The following UST variants were observed in gnomAD, a reference collection of about 807,000 sequenced individuals.
UST encodes the protein chondroitin sulfate 2-O-sulfotransferase.
Under a neutral mutation model 45.6 loss-of-function variants are expected in UST, and 21 were observed. That is an observed-to-expected ratio of 0.46 (90% CI 0.33 to 0.66). UST has a LOEUF of 0.66. UST is among the 30% of genes least tolerant of loss of function. The pLI is 0.02. For synonymous variants in UST, 215 were observed against 200.6 expected, an observed-to-expected ratio of 1.07 and a Z score of -0.61; for missense variants, 463 against 512.4, an observed-to-expected ratio of 0.90 and a Z score of 0.93.
intron 2 of UST, among the ~76,000 whole-genome samples, chr6:148,894,774 T>G (rs970348822): frequency 2.4e-4 from 37 of 151,486 alleles, no homozygotes; most frequent in African/African-American, 8.7e-4. Flanking sequence ...TTAAGAAACA[T>G]TGAAACCATT....
intron 2 of UST, among the ~76,000 whole-genome samples, chr6:148,915,841 G>T (rs1779578505): frequency 6.6e-6 from 1 of 152,180 alleles, no homozygotes; most frequent in Admixed American, 6.5e-5. Flanking sequence ...ACTCAGGTTT[G>T]CCCAAGAAGA....
At chr6:148,960,028 C>A (rs562019529) in intron 4 of UST, among the ~76,000 whole-genome samples, 1 of 152,170 alleles carries the variant, frequency 6.6e-6, no homozygotes. Flanking sequence ...GTGACTGACA[C>A]CTGTAATCCC....
chr6:148,795,027 A>G (rs984232074), intron 1 of UST, among the ~76,000 whole-genome samples: 1 of 152,220 alleles, frequency 6.6e-6, no homozygotes, highest in Non-Finnish European at 1.5e-5. Flanking sequence ...TAAATATTAA[A>G]GGGCTCTGTT....
At chr6:148,912,409 C>T (rs4897072) in intron 2 of UST, among the ~76,000 whole-genome samples, 122,930 of 152,210 alleles carry the variant, frequency 0.81, 49,715 homozygotes, top group Admixed American at 0.83. Context: ...CCGAGCAGGC[C>T]CATATCCCTG....
chr6:148,923,672 C>T (rs1245054612), intron 2 of UST, among the ~76,000 whole-genome samples: 1 of 152,052 alleles, frequency 6.6e-6, no homozygotes, highest in African/African-American at 2.4e-5. Context: ...TTTGGGAGGC[C>T]GAGGCGGGTG....
intron 1 of UST, among the ~76,000 whole-genome samples, chr6:148,795,954 A>G (rs1776941032): frequency 6.6e-6 from 1 of 152,224 alleles, no homozygotes; most frequent in African/African-American, 2.4e-5. Flanking sequence ...TGCTATCCTC[A>G]GGAAAATATT....
intron 1 of UST, among the ~76,000 whole-genome samples, chr6:148,874,968 G>T (rs773048986): frequency 3.3e-5 from 5 of 152,198 alleles, no homozygotes; most frequent in Non-Finnish European, 5.9e-5. Context: ...CTGGACTCCC[G>T]GGGCGACATG....
chr6:149,067,193 G>C (rs187242408), intron 7 of UST, among the ~76,000 whole-genome samples: 25 of 152,332 alleles, frequency 1.6e-4, no homozygotes, highest in African/African-American at 6.0e-4. Flanking sequence ...TCTGAGCTCT[G>C]AGTGTGGTGT....
rs746789470 is a variant in UST, at chr6:148,934,331, C to T, written c.292-6948C>T. Among the ~76,000 whole-genome samples the T allele has an allele frequency of 2.6e-5, 4 of 152,182 alleles. No individual in the cohort carries two copies. Among genetic ancestry groups the T allele is most frequent in the Non-Finnish European group, 5.9e-5 (4 of 68,042 alleles). ...TCTTTCAAGTGTTAGTTTGATTAAC[C>T]ATGAAATGGAGTTGCTGAAAAATCA... On this transcript the variant is annotated intron_variant, in intron 2 of 7. Transcript: ENST00000367463. This position sits in a 1 kb window ranked among gnomAD's most constrained non-coding sequence, Gnocchi z 4.1.
chr6:148,946,133 A>G (rs149280348), intron 3 of UST, among the ~76,000 whole-genome samples: 3 of 152,186 alleles, frequency 2.0e-5, no homozygotes, highest in East Asian at 3.9e-4. Flanking sequence ...AAAAAACCCA[A>G]CTCACCTAAA....
chr6:148,907,228 T>C (rs1389087282), intron 2 of UST, among the ~76,000 whole-genome samples: 1 of 152,136 alleles, frequency 6.6e-6, no homozygotes, highest in Non-Finnish European at 1.5e-5. Flanking sequence ...GCCATAATTA[T>C]CCAAGTAAAA....
intron 7 of UST, among the ~76,000 whole-genome samples, chr6:149,049,925 T>TCACACACA (rs1368206282): frequency 4.7e-5 from 6 of 128,808 alleles, no homozygotes; most frequent in African/African-American, 1.9e-4. Flanking sequence ...TCTCTCTCTC[T>TCACACACA]CTCTCTCACA....
chr6:148,777,705 C>T (rs568575878), intron 1 of UST, among the ~76,000 whole-genome samples: 2 of 152,260 alleles, frequency 1.3e-5, no homozygotes, highest in South Asian at 4.2e-4. Flanking sequence ...CCACCACACC[C>T]AGCTACTTTT....
chr6:148,853,033 G>A (rs1778135357), intron 1 of UST, among the ~76,000 whole-genome samples: 1 of 152,154 alleles, frequency 6.6e-6, no homozygotes, highest in African/African-American at 2.4e-5. Flanking sequence ...GTGTGCCGTG[G>A]TGGTTTGCTG....
Position 148,964,563 on chromosome 6 carries a change from G to A in UST, c.681G>A (p.Leu227=). ...TPSMRQEERY[L]DINECILENY... is the part of the protein sequence containing the mutation. The stretch of plus-strand genomic sequence containing the variant: ...GCATGAGGCAGGAGGAGCGCTACCT[G>A]GTAAGTCCTGTCGCATGCAAAAGGC... The change falls in exon 5 of 8, where the codon CTG becomes CTA. Residue 227 remains leucine, a splice_region_variant and synonymous_variant. Transcript: ENST00000367463. The A allele has an allele frequency of 6.2e-7, 1 of 1,613,312 alleles. No homozygotes were observed. Among genetic ancestry groups the A allele is most frequent in the South Asian group, 1.1e-5 (1 of 91,026 alleles).
intron 5 of UST, among the ~76,000 whole-genome samples, chr6:149,004,514 AG>A (rs1278734600): frequency 6.6e-6 from 1 of 152,198 alleles, no homozygotes; most frequent in Non-Finnish European, 1.5e-5. Flanking sequence ...TGCCCCAGGA[AG>A]GGGCCCCAAA....
At chr6:149,035,395 TTTTCAGTCTGAAGGC>T (rs1776226967) in intron 7 of UST, among the ~76,000 whole-genome samples, 1 of 152,190 alleles carries the variant, frequency 6.6e-6, no homozygotes, top group South Asian at 2.1e-4. Flanking sequence ...TGGGCTCTCT[TTTTCAGTCTGAAGGC>T]TTTCCTCTGG....
At chr6:148,862,593 C>T (rs574309843) in intron 1 of UST, among the ~76,000 whole-genome samples, 31 of 152,288 alleles carry the variant, frequency 2.0e-4, no homozygotes, top group East Asian at 1.5e-3. Context: ...TTTCTAGCAT[C>T]GATGGTCTTT....
At chr6:148,920,159 C>T (rs1189183316) in intron 2 of UST, among the ~76,000 whole-genome samples, 2 of 146,418 alleles carry the variant, frequency 1.4e-5, no homozygotes, top group Non-Finnish European at 2.9e-5. Context: ...GAAGCTTAGA[C>T]CGGCTTGTGA....
Sources: allele counts gnomAD v4.1 joint callset (sites outside exome capture counted in the v4.1 genomes callset), GRCh38; gene constraint gnomAD v4.1.1; non-coding constraint Gnocchi (gnomAD v3.1); transcripts MANE v1.5; gene names NCBI Gene and HGNC (gene_info 2026-07-23, HGNC 2026-07-21).